Variants in ARHGAP17 observed in about 807,000 individuals in gnomAD.
ARHGAP17 encodes the protein Rho GTPase activating protein 17, also known as rho GTPase-activating protein 17.
A neutral mutation model predicts 99.5 loss-of-function variants in ARHGAP17; 57 were observed. That is an observed-to-expected ratio of 0.57 (90% CI 0.46 to 0.71). ARHGAP17 has a LOEUF of 0.71. Ranked by LOEUF, ARHGAP17 falls within the 30% of genes least tolerant of loss-of-function variation. The pLI is 0.00. For missense variants in ARHGAP17, 1,000 were observed against 1,122.4 expected, an observed-to-expected ratio of 0.89 and a Z score of 1.56; for synonymous variants, 417 against 429.6, an observed-to-expected ratio of 0.97 and a Z score of 0.36.
At chr16:24,999,611 G>A (rs1419721203) in intron 1 of ARHGAP17, among the ~76,000 whole-genome samples, 1 of 151,772 alleles carries the variant, frequency 6.6e-6, no homozygotes, top group African/African-American at 2.4e-5. Context: ...TTACAGACAC[G>A]GGCCTCACTA....
At chr16:24,945,727 G>C (rs575951475) in intron 14 of ARHGAP17, among the ~76,000 whole-genome samples, 2 of 152,112 alleles carry the variant, frequency 1.3e-5, no homozygotes, top group East Asian at 3.9e-4. Context: ...CTCCCATGTG[G>C]AATCTGATCA....
chr16:24,980,679 A>G (rs1249675282), intron 1 of ARHGAP17, among the ~76,000 whole-genome samples: 2 of 152,226 alleles, frequency 1.3e-5, no homozygotes, highest in Non-Finnish European at 2.9e-5. Context: ...CCTGACAGTC[A>G]GCCTAGCAAG....
At chr16:24,940,569 T>C (rs2051284780) in intron 16 of ARHGAP17, among the ~76,000 whole-genome samples, 2 of 152,070 alleles carry the variant, frequency 1.3e-5, no homozygotes, top group Admixed American at 1.3e-4. Flanking sequence ...CGTGAGGTGG[T>C]GCGTGCCTAT....
chr16:24,981,344 T>C (rs889946762), intron 1 of ARHGAP17, among the ~76,000 whole-genome samples: 1 of 152,168 alleles, frequency 6.6e-6, no homozygotes, highest in Admixed American at 6.5e-5. Flanking sequence ...AACATAAAGA[T>C]AGTCATAGTA....
intron 1 of ARHGAP17, among the ~76,000 whole-genome samples, chr16:25,003,907 A>G (rs1182486891): frequency 6.6e-6 from 1 of 152,176 alleles, no homozygotes; most frequent in Non-Finnish European, 1.5e-5. Flanking sequence ...AAATACTACA[A>G]ATACTTAACA....
At chr16:24,927,683 C>A in intron 19 of ARHGAP17, 1 of 1,206,648 alleles carries the variant, frequency 8.3e-7, no homozygotes, top group Non-Finnish European at 1.1e-6. Context: ...CTTTTCCTTA[C>A]CATTAAATAT....
rs900222593 is a variant in ARHGAP17 at position 25,012,755 on chromosome 16, A to G, written c.53+2454T>C. Among the ~76,000 whole-genome samples the G allele has an allele frequency of 9.8e-5, 15 of 152,376 alleles. No individual in the cohort carries two copies. In the East Asian group the frequency reaches 2.5e-3, roughly 25 times the overall value. On this transcript the variant is annotated intron_variant, in intron 1 of 19. Coordinates refer to ENST00000289968, the MANE Select transcript of ARHGAP17 (RefSeq NM_001006634.3). ...AAACAGATGTTCTGACTTTGGGTGC[A>G]TAATTGCCACACCCTTAATAGTTCT...
At chr16:24,949,320 C>T (rs2051565115) in intron 13 of ARHGAP17, 84 bp downstream of exon 13, 1 of 1,063,048 alleles carries the variant, frequency 9.4e-7, no homozygotes, top group Non-Finnish European at 1.4e-6. Flanking sequence ...TTTAATGTGC[C>T]AAGTATGCCT....
intron 1 of ARHGAP17, among the ~76,000 whole-genome samples, chr16:25,010,839 A>G (rs949082350): frequency 2.6e-5 from 4 of 152,250 alleles, no homozygotes; most frequent in Admixed American, 2.6e-4. Flanking sequence ...CAAAGCACTG[A>G]TTCATTTTAC....
chr16:24,952,553 A>G (rs575728882), intron 11 of ARHGAP17, among the ~76,000 whole-genome samples, 183 bp from the exon 12 acceptor site: 3 of 152,346 alleles, frequency 2.0e-5, no homozygotes, highest in African/African-American at 7.2e-5. Flanking sequence ...TCTCTGAAAA[A>G]AAAAAGTTTT....
intron 19 of ARHGAP17, 35 bp from the exon 20 acceptor site, chr16:24,920,295 A>T (rs1404511926): frequency 1.9e-6 from 3 of 1,612,008 alleles, no homozygotes; most frequent in Non-Finnish European, 2.5e-6. Context: ...GGTATCAATG[A>T]GGGGTAACCC....
At chr16:24,996,188 C>T (rs1056043867) in intron 1 of ARHGAP17, among the ~76,000 whole-genome samples, 2 of 152,178 alleles carry the variant, frequency 1.3e-5, no homozygotes, top group Admixed American at 1.3e-4. Context: ...TCTTAAATCC[C>T]TCTCTGCACT....
chr16:25,011,164 T>C (rs2141544457), intron 1 of ARHGAP17, among the ~76,000 whole-genome samples: 1 of 152,346 alleles, frequency 6.6e-6, no homozygotes, highest in African/African-American at 2.4e-5. Context: ...TCTCTCTTTT[T>C]AGCAGGGCTA....
chr16:25,002,356 T>C (rs2053384459), intron 1 of ARHGAP17, among the ~76,000 whole-genome samples: 1 of 152,162 alleles, frequency 6.6e-6, no homozygotes, highest in Non-Finnish European at 1.5e-5. Context: ...CGCCCAAGGC[T>C]GCTGTCTTAG....
At chr16:24,973,708 G>A (rs530251476) in intron 3 of ARHGAP17, among the ~76,000 whole-genome samples, 2 of 152,280 alleles carry the variant, frequency 1.3e-5, no homozygotes, top group South Asian at 4.1e-4. Context: ...ATGTTTTATT[G>A]AGCATCTTGT....
At chr16:24,927,804 T>C in intron 19 of ARHGAP17, 1 of 580,830 alleles carries the variant, frequency 1.7e-6, no homozygotes, top group South Asian at 2.2e-5. Context: ...AATAGCAAGA[T>C]GTAAACTCTT....
At chr16:24,986,618 C>T (rs185435689) in intron 1 of ARHGAP17, among the ~76,000 whole-genome samples, 6 of 152,340 alleles carry the variant, frequency 3.9e-5, no homozygotes, top group African/African-American at 1.4e-4. Context: ...TGAGCTTCAA[C>T]AGCAGAACTG....
At chr16:24,998,046 G>A (rs1168204138) in intron 1 of ARHGAP17, among the ~76,000 whole-genome samples, 1 of 152,022 alleles carries the variant, frequency 6.6e-6, no homozygotes, top group Non-Finnish European at 1.5e-5. Context: ...ACAGCGGAAG[G>A]AGAACCAGGG....
chr16:25,015,162 T>C (rs1451907659), intron 1 of ARHGAP17, 47 bp downstream of exon 1: 7 of 1,163,702 alleles, frequency 6.0e-6, no homozygotes, highest in Non-Finnish European at 6.5e-6. Context: ...CCCTCCGCCC[T>C]CCGCCCCCAG....
Sources: allele counts gnomAD v4.1 joint callset (sites outside exome capture counted in the v4.1 genomes callset), GRCh38; gene constraint gnomAD v4.1.1; transcripts MANE v1.5; gene names NCBI Gene and HGNC (gene_info 2026-07-23, HGNC 2026-07-21).